Variants in PHRF1 observed in about 807,000 individuals in gnomAD.
PHRF1 encodes PHD and ring finger domains 1.
A neutral mutation model predicts 128.9 loss-of-function variants in PHRF1; 53 were observed. That is an observed-to-expected ratio of 0.41 (90% CI 0.33 to 0.52). PHRF1 has a LOEUF of 0.52. Among genes scored for constraint, PHRF1 ranks in the 20% least tolerant of loss-of-function variants. PHRF1 has a pLI of 0.21. For synonymous variants in PHRF1, 1,178 were observed against 980.6 expected (o/e 1.20, Z -3.76); for missense variants, 2,503 against 2,284.5 (o/e 1.10, Z -1.95).
chr11:605,310 C>CTGG lies in PHRF1; in HGVS notation c.1334+13_1334+15dup, dbSNP rs1156580191. The CTGG allele has an allele frequency of 3.7e-6, 6 of 1,611,708 alleles. No homozygotes were observed. The highest frequency in any genetic ancestry group is 5.1e-6 in the Non-Finnish European group (6 of 1,178,486). On this transcript the variant is annotated intron_variant, in intron 11 of 17. Coordinates refer to ENST00000264555, the MANE Select transcript of PHRF1 (RefSeq NM_001286581.2). Reference sequence around the variant, plus strand: ...TGGATCCCTTCGACAGGTGAGTGAACTGGTGATGGTCCTGCCTGGGCACCC... The same window carrying CTGG: ...TGGATCCCTTCGACAGGTGAGTGAACTGGTGGTGATGGTCCTGCCTGGGCACCC...
rs188547907 is a variant in PHRF1 at position 611,126 on chromosome 11, C to T, written c.4806+44C>T. 119 of 1,604,476 alleles carry T rather than the reference C, an allele frequency of 7.4e-5. No homozygotes were observed. The Admixed American group carries it at 8.2e-4, about 11-fold the overall frequency. On this transcript the variant is annotated intron_variant, in intron 17 of 17. Transcript: ENST00000264555. ...TGTGTGTGGGGCTCGGGGTCACGGGCGGTACGTCGCTGCTGTCTCGTCAGC... is the reference window on the plus strand; with the variant it reads ...TGTGTGTGGGGCTCGGGGTCACGGGTGGTACGTCGCTGCTGTCTCGTCAGC...
At chr11:585,187 GCTGGAAATCA>G (rs1854460243) in intron 3 of PHRF1, among the ~76,000 whole-genome samples, 1 of 152,182 alleles carries the variant, frequency 6.6e-6, no homozygotes, top group Admixed American at 6.5e-5. Context: ...GGTGTTTCCT[GCTGGAAATCA>G]CTTGTTACAC....
At chr11:611,127 G>A (rs369457513) in intron 17 of PHRF1, 45 bp downstream of exon 17, 82 of 1,604,670 alleles carry the variant, frequency 5.1e-5, no homozygotes, top group Non-Finnish European at 6.5e-5. Context: ...GGTCACGGGC[G>A]GTACGTCGCT....
chr11:606,880 T>C lies in PHRF1; in HGVS notation c.1610-186T>C, dbSNP rs567891253. On this transcript the variant is annotated intron_variant, in intron 13 of 17. Transcript: ENST00000264555. ...CCTGATGGCCTCAGGCACTGTACTTTGTCATCCACAGAGTGGCTGTTGAAG... is the reference window on the plus strand; with the variant it reads ...CCTGATGGCCTCAGGCACTGTACTTCGTCATCCACAGAGTGGCTGTTGAAG... 1.1e-4 allele frequency: 119 copies of C among 1,061,790 alleles called. No individual in the cohort carries two copies. The African/African-American group carries it at 1.7e-3, about 15-fold the overall frequency. 65.8% of individuals were successfully genotyped at this position (1,061,790 alleles called of 1,614,324 possible). A position where few individuals can be genotyped will look rare whatever the true frequency, so the allele number is the denominator to read the frequency against.
chr11:612,220 C>T lies in PHRF1; in HGVS notation c.*443C>T, dbSNP rs752905230. 6.6e-6 allele frequency: 2 copies of T among 303,658 alleles called. No homozygotes were observed. The highest frequency in any genetic ancestry group is 1.2e-5 in the Non-Finnish European group (2 of 162,780). The allele number at this position is 303,658 out of a possible 1,614,324, so 18.8% of individuals were successfully genotyped here. On this transcript the variant is annotated 3_prime_UTR_variant, in exon 18 of 18. Transcript: ENST00000264555. Reference sequence around the variant, plus strand: ...AGGAATATCTTTACTTTCTCTTTTCCAATTATGTTGTGCTCTTGTAAATAA... The same window carrying T: ...AGGAATATCTTTACTTTCTCTTTTCTAATTATGTTGTGCTCTTGTAAATAA...
In PHRF1 at chr11:609,553, C is replaced by T. The variant is rs201571276; in HGVS notation, c.4097C>T (p.Ala1366Val). ...EAPSSPDVAP[A>V]GKEDSPSASG... ...CCCAGTTCCCCGGATGTGGCGCCTG[C>T]GGGGAAGGAAGACAGCCCCTCTGCG... The change falls in exon 14 of 18, where the codon GCG (alanine) becomes GTG (valine). Residue 1366 changes from alanine to valine, a missense_variant. Coordinates refer to ENST00000264555, the MANE Select transcript of PHRF1 (RefSeq NM_001286581.2). 52 of 1,598,682 alleles carry T rather than the reference C, an allele frequency of 3.3e-5. No individual in the cohort carries two copies. Among genetic ancestry groups the T allele is most frequent in the Middle Eastern group, 1.6e-4 (1 of 6,074 alleles).
chr11:584,339 A>G (rs1487128116), intron 3 of PHRF1, among the ~76,000 whole-genome samples: 1 of 152,204 alleles, frequency 6.6e-6, no homozygotes, highest in African/African-American at 2.4e-5. Context: ...TGGATGCCAG[A>G]GACTCTGGGT....
intron 6 of PHRF1, among the ~76,000 whole-genome samples, chr11:594,641 A>T (rs1413973832): frequency 1.3e-5 from 2 of 152,012 alleles, no homozygotes; most frequent in African/African-American, 4.8e-5. Context: ...TTTGTATTTT[A>T]TGGAGAAACG....
chr11:592,585 C>T lies in PHRF1; in HGVS notation c.531C>T (p.Ser177=), dbSNP rs762884445. 15 of 1,613,866 alleles carry T rather than the reference C, an allele frequency of 9.3e-6. No homozygotes were observed. In the East Asian group the frequency reaches 1.8e-4, roughly 19 times the overall value. ...TCCCAGTGGAGAACACCAAAGCGAGCGAGGAGGAGGAGGACCCGACCTTCT... is the reference window on the plus strand; with the variant it reads ...TCCCAGTGGAGAACACCAAAGCGAGTGAGGAGGAGGAGGACCCGACCTTCT... ...RKIPVENTKA[S]EEEEDPTFCE... The change falls in exon 6 of 18, where the codon AGC becomes AGT. Residue 177 remains serine (S), a synonymous_variant. Coordinates refer to ENST00000264555, the MANE Select transcript of PHRF1 (RefSeq NM_001286581.2).
Position 597,637 on chromosome 11 carries a change from G to T in PHRF1, c.894+67G>T. 2 of 1,509,732 alleles carry T rather than the reference G, an allele frequency of 1.3e-6. No homozygotes were observed. The highest frequency in any genetic ancestry group is 1.8e-6 in the Non-Finnish European group (2 of 1,120,254). 93.5% of individuals were successfully genotyped at this position (1,509,732 alleles called of 1,614,324 possible). ...GCCCAGAGTGATCTCGGCAGTCTGG[G>T]TGGGTGGGAGGGGCGTCGTCGGCAC... is the stretch of plus-strand genomic sequence containing the variant. On this transcript the variant is annotated intron_variant, in intron 8 of 17. Transcript: ENST00000264555. The surrounding 1 kb of genome is among the most constrained non-coding windows in gnomAD (Gnocchi z 6.5).
chr11:608,206 C>T lies in PHRF1; in HGVS notation c.2750C>T (p.Thr917Met), dbSNP rs770772659. 1.6e-5 allele frequency: 25 copies of T among 1,609,536 alleles called. No individual in the cohort carries two copies. Among genetic ancestry groups the T allele is most frequent in the South Asian group, 1.3e-4 (12 of 91,080 alleles). ...GAVAAEGASD[T>M]EREEPTESQG... ...GTGGCTGCCGAGGGGGCCTCTGACA[C>T]GGAGCGAGAGGAGCCCACAGAGAGC... Residue 917 changes from threonine (T) to methionine (M), a missense_variant, in exon 14 of 18, where the codon ACG becomes ATG. Physicochemically the swap from Thr to Met is moderately conservative, Grantham distance 81. Coordinates refer to ENST00000264555, the MANE Select transcript of PHRF1 (RefSeq NM_001286581.2).
chr11:611,573 G>C, intron 17 of PHRF1, 61 bp from the exon 18 acceptor site: 2 of 1,607,468 alleles, frequency 1.2e-6, no homozygotes, highest in Non-Finnish European at 8.5e-7. Context: ...TTTGGCCCTG[G>C]GCTCTGGCCC....
chr11:607,225 G>C lies in PHRF1; in HGVS notation c.1769G>C (p.Arg590Pro), dbSNP rs759217986. ...STGLSCQGRS[R>P]TPARTAGAPV... ...GGGCTCAGCTGTCAAGGCAGGTCCC[G>C]CACCCCCGCCCGCACCGCGGGGGCG... The change falls in exon 14 of 18, where the codon CGC becomes CCC. Residue 590 changes from arginine to proline, a missense_variant. Transcript: ENST00000264555. 1.2e-6 allele frequency: 2 copies of C among 1,612,288 alleles called. No homozygotes were observed. The highest frequency in any genetic ancestry group is 1.7e-5 in the Admixed American group (1 of 59,992).
At position 612,173 on chromosome 11, in the gene PHRF1, T is replaced by A. The variant is rs1314810513; in HGVS notation, c.*396T>A. On this transcript the variant is annotated 3_prime_UTR_variant, in exon 18 of 18. Transcript: ENST00000264555. ...TAGGTGGCCTCCCGCCAACAGCTGC[T>A]GTGTACCTTTGGCTCTGAATTAGGA... 1 of 317,616 alleles carries A rather than the reference T, an allele frequency of 3.1e-6. No homozygotes were observed. The highest frequency in any genetic ancestry group is 5.9e-6 in the Non-Finnish European group (1 of 170,832). The allele number at this position is 317,616 out of a possible 1,614,324, so 19.7% of individuals were successfully genotyped here.
chr11:577,922 T>C (rs1457334790), intron 1 of PHRF1, among the ~76,000 whole-genome samples: 2 of 152,248 alleles, frequency 1.3e-5, no homozygotes, highest in East Asian at 3.8e-4. Flanking sequence ...TCCTCTTTAA[T>C]CCCCCAAATC....
intron 9 of PHRF1, among the ~76,000 whole-genome samples, chr11:600,546 T>C (rs1309457638): frequency 1.4e-5 from 2 of 147,108 alleles, no homozygotes; most frequent in African/African-American, 2.6e-5. Flanking sequence ...TAAAAATCTT[T>C]GACGCCGGGC....
Position 610,527 on chromosome 11 carries a change from C to T in PHRF1, c.4443C>T (p.Ala1481=), listed in dbSNP as rs369047912. The change falls in exon 16 of 18, where the codon GCC becomes GCT. Residue 1481 remains alanine (A), a synonymous_variant. Coordinates refer to ENST00000264555, the MANE Select transcript of PHRF1 (RefSeq NM_001286581.2). ...TTTACAGCCCCGGCCTGCCGCCTGC[C>T]CCGGCCCAGCCCTCAAGCATCCCAC... ...SQVYSPGLPP[A]PAQPSSIPPC... 1.8e-5 allele frequency: 29 copies of T among 1,604,654 alleles called. No individual in the cohort carries two copies. The highest frequency in any genetic ancestry group is 2.3e-5 in the Non-Finnish European group (27 of 1,179,194).
In PHRF1 at chr11:608,630, C is replaced by T. The variant is rs1284931186; in HGVS notation, c.3174C>T (p.Arg1058=). The part of the protein sequence containing the change: ...KAKSRRSSSD[R]SSSRERAKRK... ...AGAGCCGGCGGTCCTCCAGTGACCGCTCCAGCAGCCGAGAGCGAGCTAAGA... is the reference window on the plus strand; with the variant it reads ...AGAGCCGGCGGTCCTCCAGTGACCGTTCCAGCAGCCGAGAGCGAGCTAAGA... Residue 1058 remains arginine, a synonymous_variant, in exon 14 of 18, where the codon CGC becomes CGT. Coordinates refer to ENST00000264555, the MANE Select transcript of PHRF1 (RefSeq NM_001286581.2). 2 of 1,612,164 alleles carry T rather than the reference C, an allele frequency of 1.2e-6. No individual in the cohort carries two copies. The highest frequency in any genetic ancestry group is 1.7e-6 in the Non-Finnish European group (2 of 1,179,772).
chr11:604,359 C>A (rs181895633), intron 10 of PHRF1, among the ~76,000 whole-genome samples: 4 of 152,230 alleles, frequency 2.6e-5, no homozygotes, highest in Non-Finnish European at 5.9e-5. Context: ...TGCCTTCAGG[C>A]GATGAAGTCC....
Sources: allele counts gnomAD v4.1 joint callset (sites outside exome capture counted in the v4.1 genomes callset), GRCh38; gene constraint gnomAD v4.1.1; non-coding constraint Gnocchi (gnomAD v3.1); transcripts MANE v1.5; gene names NCBI Gene and HGNC (gene_info 2026-07-23, HGNC 2026-07-21).